Variants in ZFHX3 observed in about 807,000 individuals in gnomAD.
ZFHX3 encodes the protein zinc finger homeobox protein 3.
ZFHX3 carries 42 observed loss-of-function variants against 279.1 expected under a neutral mutation model. The ratio of observed to expected loss-of-function variants is 0.15; its 90% CI spans 0.12 to 0.19. The LOEUF (loss-of-function observed/expected upper bound fraction) is 0.19. ZFHX3 is among the 10% of genes least tolerant of loss of function. The pLI is 1.00. For missense variants in ZFHX3, 4,981 were observed against 4,754.0 expected, an observed-to-expected ratio of 1.05 and a Z score of -1.40; for synonymous variants, 2,293 against 1,957.8, an observed-to-expected ratio of 1.17 and a Z score of -4.52.
intron 1 of ZFHX3, among the ~76,000 whole-genome samples, chr16:73,043,704 T>C (rs1459952539): frequency 6.6e-6 from 1 of 152,208 alleles, no homozygotes; most frequent in African/African-American, 2.4e-5. Context: ...TTCAGCTCAG[T>C]GCTGCTGTCA....
rs376827534 is a variant in ZFHX3, at chr16:72,787,974, G to A, written c.10302C>T (p.Leu3434=). 13 of 1,613,770 alleles carry A rather than the reference G, an allele frequency of 8.1e-6. No individual in the cohort carries two copies. The highest frequency in any genetic ancestry group is 8.0e-5 in the African/African-American group (6 of 74,852). ...CTGGCTCTTCAGGGAGTTTCGGCAGGAGGGGGGACACCTCACGGGGGGTGT... is the reference window on the plus strand; with the variant it reads ...CTGGCTCTTCAGGGAGTTTCGGCAGAAGGGGGGACACCTCACGGGGGGTGT... ...QKNTPREVSP[L]LPKLPEEPEA... The change falls in exon 10 of 10, where the codon CTC becomes CTT. Residue 3434 remains leucine (L), a synonymous_variant. Coordinates refer to ENST00000268489, the MANE Select transcript of ZFHX3 (RefSeq NM_006885.4).
At chr16:73,433,763 G>T (rs1019334609) in intron 3 of ZFHX3, among the ~76,000 whole-genome samples, 2 of 152,184 alleles carry the variant, frequency 1.3e-5, no homozygotes, top group Non-Finnish European at 2.9e-5. Flanking sequence ...TGGGGAGTGA[G>T]CCTGCAGCGG....
chr16:72,900,825 C>T (rs913084154), intron 3 of ZFHX3, among the ~76,000 whole-genome samples: 11 of 152,162 alleles, frequency 7.2e-5, no homozygotes, highest in Non-Finnish European at 1.0e-4. Flanking sequence ...CTTTGAGAAC[C>T]GATGCTCTGG....
At chr16:73,811,313 T>C (rs1037542325) in intron 1 of ZFHX3, among the ~76,000 whole-genome samples, 2 of 152,208 alleles carry the variant, frequency 1.3e-5, no homozygotes, top group Non-Finnish European at 2.9e-5. Flanking sequence ...CTAGTCCTTC[T>C]TTCTGGGTGA....
chr16:73,706,886 T>C (rs4888637), intron 1 of ZFHX3, among the ~76,000 whole-genome samples: 127,389 of 152,182 alleles, frequency 0.84, 55,441 homozygotes, highest in Non-Finnish European at 0.95. Context: ...GCTCCATGAG[T>C]TACTTGTCTT....
chr16:73,887,540 T>C (rs575458871), intron 1 of ZFHX3, among the ~76,000 whole-genome samples: 1 of 152,270 alleles, frequency 6.6e-6, no homozygotes, highest in South Asian at 2.1e-4. Flanking sequence ...TGTGAAGTTC[T>C]GTGAACTACA....
intron 3 of ZFHX3, among the ~76,000 whole-genome samples, chr16:73,375,310 A>T (rs540832114): frequency 9.3e-4 from 141 of 152,328 alleles, no homozygotes; most frequent in African/African-American, 3.2e-3. Flanking sequence ...TGACTCATGC[A>T]TCCTTCCTTT....
At chr16:73,731,370 C>T (rs1304722870) in intron 1 of ZFHX3, among the ~76,000 whole-genome samples, 2 of 152,026 alleles carry the variant, frequency 1.3e-5, no homozygotes, top group Non-Finnish European at 2.9e-5. Flanking sequence ...TGTCAAAGCC[C>T]TTCTTTATCT....
intron 1 of ZFHX3, among the ~76,000 whole-genome samples, chr16:73,759,143 G>A (rs1160938570): frequency 6.6e-6 from 1 of 152,226 alleles, no homozygotes; most frequent in East Asian, 1.9e-4. Flanking sequence ...AAACAAGACA[G>A]AAGTCTATTT....
At chr16:72,914,065 G>C (rs1373057915) in intron 3 of ZFHX3, among the ~76,000 whole-genome samples, 1 of 152,186 alleles carries the variant, frequency 6.6e-6, no homozygotes, top group African/African-American at 2.4e-5. Context: ...GGACAGAGGC[G>C]GGATCTGAAC....
chr16:73,841,689 G>T (rs753719744), intron 1 of ZFHX3, among the ~76,000 whole-genome samples: 2 of 152,128 alleles, frequency 1.3e-5, no homozygotes, highest in African/African-American at 4.8e-5. Flanking sequence ...GCAGAGGCAC[G>T]GGAAGAAATC....
intron 4 of ZFHX3, among the ~76,000 whole-genome samples, chr16:73,279,888 C>T (rs2014412539): frequency 6.6e-6 from 1 of 152,160 alleles, no homozygotes; most frequent in African/African-American, 2.4e-5. Flanking sequence ...GTGATAACAA[C>T]TATGCACGAC....
intron 5 of ZFHX3, among the ~76,000 whole-genome samples, chr16:73,211,637 C>T (rs2012021458): frequency 6.6e-6 from 1 of 152,018 alleles, no homozygotes; most frequent in Non-Finnish European, 1.5e-5. Context: ...GGCAAAATTC[C>T]ATGCATTTGT....
intron 3 of ZFHX3, among the ~76,000 whole-genome samples, chr16:73,408,062 G>A (rs1258100226): frequency 6.6e-6 from 1 of 151,922 alleles, no homozygotes; most frequent in Non-Finnish European, 1.5e-5. Context: ...GGAGTGGATG[G>A]GGGTGGGTGG....
At chr16:73,374,471 T>C (rs1253612251) in intron 3 of ZFHX3, among the ~76,000 whole-genome samples, 3 of 152,170 alleles carry the variant, frequency 2.0e-5, no homozygotes, top group Admixed American at 6.5e-5. Flanking sequence ...TACCATTTCA[T>C]CTGTAACTAT....
intron 3 of ZFHX3, among the ~76,000 whole-genome samples, chr16:73,327,835 A>G (rs1400838200): frequency 1.3e-5 from 2 of 152,132 alleles, no homozygotes; most frequent in African/African-American, 2.4e-5. Flanking sequence ...TGTTTCTGTC[A>G]TTTGCCCCCA....
At chr16:73,747,319 AG>A (rs1322176932) in intron 1 of ZFHX3, among the ~76,000 whole-genome samples, 9 of 152,152 alleles carry the variant, frequency 5.9e-5, no homozygotes, top group Non-Finnish European at 1.3e-4. Context: ...GGGAGGTTGA[AG>A]CTGTAGTGAC....
At chr16:73,695,751 A>T (rs555361274) in intron 1 of ZFHX3, among the ~76,000 whole-genome samples, 2 of 152,308 alleles carry the variant, frequency 1.3e-5, no homozygotes, top group Admixed American at 1.3e-4. Flanking sequence ...AATACAGGGC[A>T]GTGCCTGGCT....
intron 5 of ZFHX3, among the ~76,000 whole-genome samples, chr16:73,237,904 C>T (rs1017915265): frequency 1.3e-5 from 2 of 152,162 alleles, no homozygotes; most frequent in Admixed American, 6.6e-5. Flanking sequence ...TACCCATGAG[C>T]TGGTCTACAT....
Sources: gnomAD v4.1 joint callset for allele counts (sites outside exome capture counted in the v4.1 genomes callset) on GRCh38, gnomAD v4.1.1 for gene constraint, MANE v1.5 for transcripts, NCBI Gene and HGNC (gene_info 2026-07-23, HGNC 2026-07-21) for gene names.